The following KCNQ2 variants were observed in gnomAD, a reference collection of about 807,000 sequenced individuals.
KCNQ2 encodes the protein potassium voltage-gated channel subfamily Q member 2.
KCNQ2 carries 14 observed loss-of-function variants against 84.8 expected under a neutral mutation model. The ratio of observed to expected loss-of-function variants is 0.17; its 90% CI spans 0.11 to 0.26. The LOEUF (loss-of-function observed/expected upper bound fraction) is 0.26. Among genes scored for constraint, KCNQ2 ranks in the 10% least tolerant of loss-of-function variants. KCNQ2 has a pLI of 1.00. For synonymous variants in KCNQ2, 599 were observed against 554.1 expected (o/e 1.08, Z -1.14); for missense variants, 788 against 1,254.0 (o/e 0.63, Z 5.61).
chr20:63,454,928 C>A (rs1295454205), intron 1 of KCNQ2, among the ~76,000 whole-genome samples: 1 of 152,226 alleles, frequency 6.6e-6, no homozygotes, highest in African/African-American at 2.4e-5. Context: ...CAGACCCAGG[C>A]CCACAGTGTG....
intron 4 of KCNQ2, among the ~76,000 whole-genome samples, chr20:63,443,289 TCATCAC>T (rs1568937070): frequency 1.7e-3 from 29 of 17,184 alleles, no homozygotes; most frequent in African/African-American, 6.2e-3. Flanking sequence ...ACCATCACCA[TCATCAC>T]CACCACCATC....
intron 9 of KCNQ2, among the ~76,000 whole-genome samples, chr20:63,429,834 T>G (rs906262544): frequency 6.6e-6 from 1 of 152,108 alleles, no homozygotes; most frequent in Non-Finnish European, 1.5e-5. Context: ...AGGTGTGAGC[T>G]GGTAAAGCCG....
intron 9 of KCNQ2, among the ~76,000 whole-genome samples, chr20:63,429,329 C>T (rs2080726034): frequency 6.6e-6 from 1 of 151,938 alleles, no homozygotes; most frequent in African/African-American, 2.4e-5. Context: ...CCTCTGCTCC[C>T]AGGCCCTGCC....
Position 63,446,711 on chromosome 20 carries a change from G to T in KCNQ2, c.387+36C>A. On this transcript the variant is annotated intron_variant, in intron 2 of 16. Transcript: ENST00000359125. This position sits in a 1 kb window ranked among gnomAD's most constrained non-coding sequence, Gnocchi z 5.5. ...GCCCAGGCAGCTCCAGCTCCTTCCT[G>T]GGCACTTCCAGCCCCCGCCCTCCCT... is the stretch of plus-strand genomic sequence containing the variant. 6.4e-7 allele frequency: 1 copy of T among 1,559,996 alleles called. No individual in the cohort carries two copies. Among genetic ancestry groups the T allele is most frequent in the Non-Finnish European group, 8.8e-7 (1 of 1,131,572 alleles).
At chr20:63,432,055 G>C (rs565375445) in intron 8 of KCNQ2, among the ~76,000 whole-genome samples, 2 of 148,968 alleles carry the variant, frequency 1.3e-5, no homozygotes, top group African/African-American at 5.0e-5. Context: ...TCCACCCACA[G>C]GGAAGACTCC....
At chr20:63,423,795 G>A (rs1355376746) in intron 11 of KCNQ2, 2 of 276,898 alleles carry the variant, frequency 7.2e-6, no homozygotes, top group Non-Finnish European at 6.9e-6. Flanking sequence ...CCCAGCCGGC[G>A]TCGACTCAGG....
At chr20:63,434,018 C>T in intron 7 of KCNQ2, 115 bp from the exon 8 acceptor site, 1 of 826,788 alleles carries the variant, frequency 1.2e-6, no homozygotes. Context: ...AGGCCAGGCA[C>T]TCAGGACTCT....
At chr20:63,415,668 G>A (rs1259606802) in intron 12 of KCNQ2, among the ~76,000 whole-genome samples, 2 of 152,220 alleles carry the variant, frequency 1.3e-5, no homozygotes, top group African/African-American at 2.4e-5. Flanking sequence ...ATCACTTTCC[G>A]CTACCACCAC....
At chr20:63,462,547 G>A (rs2081984042) in intron 1 of KCNQ2, among the ~76,000 whole-genome samples, 2 of 152,232 alleles carry the variant, frequency 1.3e-5, no homozygotes, top group South Asian at 4.1e-4. Context: ...CTCCAGCCTG[G>A]ACGGGTTTCC....
intron 7 of KCNQ2, among the ~76,000 whole-genome samples, chr20:63,436,421 C>T (rs148154357): frequency 0.069 from 10,523 of 152,042 alleles, 857 homozygotes; most frequent in East Asian, 0.44. Context: ...GTCCCAGCTA[C>T]CTGGGAGGCT....
chr20:63,470,896 G>C (rs1397002452), intron 1 of KCNQ2: 6 of 152,218 alleles, frequency 3.9e-5, no homozygotes, highest in African/African-American at 1.4e-4. Context: ...CCAGGACCCA[G>C]GAGGTCGGAG....
rs116769169 is a variant in KCNQ2 at position 63,400,329 on chromosome 20, C to T, written c.*6315G>A. The T allele has an allele frequency of 6.9e-3, 2,122 of 307,152 alleles. 88 individuals carry two copies. The South Asian group carries it at 0.15, about 22-fold the overall frequency. 19.0% of individuals were successfully genotyped at this position (307,152 alleles called of 1,614,324 possible). ...CATCGCGGCCGCAGGACCCCACACC[C>T]GAAGTCCCCCGCAAACCCGCACTGG... On this transcript the variant is annotated 3_prime_UTR_variant, in exon 17 of 17. Transcript: ENST00000359125. This position sits in a 1 kb window ranked among gnomAD's most constrained non-coding sequence, Gnocchi z 8.7.
At chr20:63,444,365 G>C (rs1209269671) in intron 4 of KCNQ2, among the ~76,000 whole-genome samples, 2 of 152,350 alleles carry the variant, frequency 1.3e-5, no homozygotes, top group African/African-American at 4.8e-5. Context: ...AGAGCCAAGG[G>C]TTCGCGGCAG....
chr20:63,450,308 A>G (rs931162006), intron 1 of KCNQ2, among the ~76,000 whole-genome samples: 1 of 150,884 alleles, frequency 6.6e-6, no homozygotes, highest in South Asian at 2.1e-4. Context: ...GCGGCCGCAG[A>G]GGCCCAGCAA....
In KCNQ2 at chr20:63,446,137, G is replaced by A. The variant is rs1600793882; in HGVS notation, c.387+610C>T. 1 of 290,238 alleles carries A rather than the reference G, an allele frequency of 3.4e-6. No homozygotes were observed. Among genetic ancestry groups the A allele is most frequent in the Non-Finnish European group, 6.6e-6 (1 of 150,502 alleles). The allele number at this position is 290,238 out of a possible 1,614,324, so 18.0% of individuals were successfully genotyped here. A position where few individuals can be genotyped will look rare whatever the true frequency, so the allele number is the denominator to read the frequency against. On this transcript the variant is annotated intron_variant, in intron 2 of 16. Coordinates refer to ENST00000359125, the MANE Select transcript of KCNQ2 (RefSeq NM_172107.4). This position sits in a 1 kb window ranked among gnomAD's most constrained non-coding sequence, Gnocchi z 5.5. ...GGGGACCTGCCTTGAGTTGGGGGGT[G>A]CACAGCAGGGCTGAGCTGAGGGAAG...
chr20:63,436,303 G>A (rs10427486), intron 7 of KCNQ2, among the ~76,000 whole-genome samples: 20,584 of 152,222 alleles, frequency 0.14, 1,517 homozygotes, highest in Middle Eastern at 0.18. Context: ...AGGCCAAGGC[G>A]GGAGGATCAC....
rs927855700 is a variant in KCNQ2, at chr20:63,403,715, G to A, written c.*2929C>T. The A allele has an allele frequency of 6.6e-6, 1 of 152,292 alleles. No individual in the cohort carries two copies. Among genetic ancestry groups the A allele is most frequent in the African/African-American group, 2.4e-5 (1 of 41,450 alleles). 9.4% of individuals were successfully genotyped at this position (152,292 alleles called of 1,614,324 possible). On this transcript the variant is annotated 3_prime_UTR_variant, in exon 17 of 17. Coordinates refer to ENST00000359125, the MANE Select transcript of KCNQ2 (RefSeq NM_172107.4). ...TGTGTGCTATGTGGTCTGTGTGCAT[G>A]TGTGCAAGCGTGCATGTGTACGCCT... is the stretch of plus-strand genomic sequence containing the variant.
At position 63,465,841 on chromosome 20, in the gene KCNQ2, C is replaced by T. The variant is rs368482829; in HGVS notation, c.296+6327G>A. ...GAGCTCCAGCCCTGCAAAGGGCATC[C>T]GCGTTCCGGGCACCGCCGTTTCCGC... On this transcript the variant is annotated intron_variant, in intron 1 of 16. Transcript: ENST00000359125. 7.8e-4 allele frequency among the ~76,000 whole-genome samples: 119 copies of T among 152,326 alleles called. 4 individuals carry two copies. In the South Asian group the frequency reaches 0.018, roughly 23 times the overall value.
At position 63,424,180 on chromosome 20, in the gene KCNQ2, G is replaced by C; in HGVS notation, c.1244C>G (p.Pro415Arg). The C allele has an allele frequency of 6.4e-7, 1 of 1,556,518 alleles. No individual in the cohort carries two copies. Among genetic ancestry groups the C allele is most frequent in the Non-Finnish European group, 8.7e-7 (1 of 1,149,358 alleles). Residue 415 changes from proline to arginine, a missense_variant, in exon 11 of 17, where the codon CCA becomes CGA. Coordinates refer to ENST00000359125, the MANE Select transcript of KCNQ2 (RefSeq NM_172107.4). ...FRKDPPPEPS[P>R]SKGSPCRGPL... ...GGTAGCAGCAGGGGGCACTGACCTT[G>C]GAGACGGCTCCGGCGGGGGGTCCTT...
Sources: gnomAD v4.1 joint callset for allele counts (sites outside exome capture counted in the v4.1 genomes callset) on GRCh38, gnomAD v4.1.1 for gene constraint, Gnocchi (gnomAD v3.1) non-coding constraint, MANE v1.5 for transcripts, NCBI Gene and HGNC (gene_info 2026-07-23, HGNC 2026-07-21) for gene names.